Variants in SCIMP observed in about 807,000 individuals in gnomAD.
The protein encoded by SCIMP is SLP adapter and CSK-interacting membrane protein.
SCIMP carries 18 observed loss-of-function variants against 22.0 expected under a neutral mutation model. The ratio of observed to expected loss-of-function variants is 0.82; its 90% confidence interval spans 0.56 to 1.21. The LOEUF is 1.21. Ranked by LOEUF, SCIMP falls within the 50% of genes most tolerant of loss-of-function variation. The pLI, the probability that SCIMP is intolerant of heterozygous loss-of-function variation, is 0.00. For synonymous variants in SCIMP, 53 were observed against 62.2 expected (o/e 0.85, Z 0.70); for missense variants, 155 against 171.2 (o/e 0.91, Z 0.53).
At chr17:5,232,068 A>T (rs1335605306) in intron 1 of SCIMP, among the ~76,000 whole-genome samples, 1 of 152,046 alleles carries the variant, frequency 6.6e-6, no homozygotes, top group Non-Finnish European at 1.5e-5. Flanking sequence ...AAACAAAAAA[A>T]AAAAACTGGT....
At chr17:5,225,762 G>GAAAA (rs140142974) in intron 1 of SCIMP, among the ~76,000 whole-genome samples, 1 of 127,052 alleles carries the variant, frequency 7.9e-6, no homozygotes, top group Non-Finnish European at 1.7e-5. Context: ...GATTCCATCT[G>GAAAA]AAAAAAAAAA....
At chr17:5,228,573 G>T (rs1337376161) in intron 1 of SCIMP, among the ~76,000 whole-genome samples, 1 of 150,704 alleles carries the variant, frequency 6.6e-6, no homozygotes, top group Admixed American at 6.6e-5. Flanking sequence ...TGAGCCCAGG[G>T]ATTCGAGGCT....
intron 4 of SCIMP, among the ~76,000 whole-genome samples, chr17:5,212,648 C>CA (rs1282970394): frequency 4.0e-5 from 6 of 151,364 alleles, no homozygotes; most frequent in Non-Finnish European, 8.8e-5. Flanking sequence ...AACAAACAAA[C>CA]AAAAAAATGT....
chr17:5,232,373 GCAGTATAAACAGTGCAGTATAAA>G (rs1228552665), intron 1 of SCIMP, among the ~76,000 whole-genome samples: 1 of 148,336 alleles, frequency 6.7e-6, no homozygotes, highest in African/African-American at 2.5e-5. Context: ...TGTAAACAGT[GCAGTATAAACAGTGCAGTATAAA>G]CAGTATAAAC....
At chr17:5,225,662 T>C (rs1274354675) in intron 1 of SCIMP, among the ~76,000 whole-genome samples, 3 of 151,480 alleles carry the variant, frequency 2.0e-5, no homozygotes, top group African/African-American at 7.3e-5. Flanking sequence ...CTTGAGAGAC[T>C]GAGGCAAGAG....
intron 1 of SCIMP, among the ~76,000 whole-genome samples, chr17:5,228,227 C>T (rs777909486): frequency 3.3e-5 from 5 of 151,538 alleles, no homozygotes; most frequent in Non-Finnish European, 7.4e-5. Flanking sequence ...GCGCCTGTGG[C>T]CCCAGCTACA....
intron 3 of SCIMP, among the ~76,000 whole-genome samples, chr17:5,220,122 T>G (rs981880545): frequency 6.6e-6 from 1 of 152,188 alleles, no homozygotes; most frequent in African/African-American, 2.4e-5. Context: ...ATATTGGTCA[T>G]AAAGCCCCAA....
chr17:5,213,811 G>T (rs2074544616), intron 4 of SCIMP: 1 of 152,182 alleles, frequency 6.6e-6, no homozygotes, highest in East Asian at 1.9e-4. Context: ...TCATGCCACT[G>T]CACTCCAGCC....
At chr17:5,215,177 A>G in intron 3 of SCIMP, 179 bp from the exon 4 acceptor site, 1 of 546,590 alleles carries the variant, frequency 1.8e-6, no homozygotes, top group South Asian at 2.5e-5. Flanking sequence ...TTGGCACCCT[A>G]ATGAAACCGT....
At chr17:5,234,602 C>G (rs1476738990) in intron 1 of SCIMP, 133 bp downstream of exon 1, 4 of 891,598 alleles carry the variant, frequency 4.5e-6, no homozygotes, top group Non-Finnish European at 7.2e-6. Context: ...GCAGTCGTAC[C>G]AGGGCCCCAG....
chr17:5,231,594 G>A (rs1398478296), intron 1 of SCIMP, among the ~76,000 whole-genome samples: 3 of 152,014 alleles, frequency 2.0e-5, no homozygotes, highest in Middle Eastern at 3.2e-3. Flanking sequence ...TGCACAGATT[G>A]CCGATGTCCT....
intron 1 of SCIMP, among the ~76,000 whole-genome samples, chr17:5,232,635 G>A (rs777248525): frequency 1.7e-4 from 26 of 152,238 alleles, no homozygotes; most frequent in Non-Finnish European, 1.5e-4. Flanking sequence ...GGCATGAGCA[G>A]TTCTTGCCCC....
chr17:5,229,487 C>T (rs989305057), intron 1 of SCIMP, among the ~76,000 whole-genome samples: 3 of 149,408 alleles, frequency 2.0e-5, no homozygotes, highest in South Asian at 2.1e-4. Context: ...TCCATCTCCC[C>T]GGTTCAAGCA....
chr17:5,221,237 G>A, intron 3 of SCIMP, 50 bp downstream of exon 3: 1 of 1,341,670 alleles, frequency 7.5e-7, no homozygotes, highest in Non-Finnish European at 1.1e-6. Context: ...GGGTGGAAGG[G>A]AACAGGCAGT....
chr17:5,219,916 C>T (rs1436294709), intron 3 of SCIMP, among the ~76,000 whole-genome samples: 3 of 152,182 alleles, frequency 2.0e-5, no homozygotes, highest in Non-Finnish European at 4.4e-5. Context: ...GCTCTCTGTG[C>T]GACTTCACTG....
intron 1 of SCIMP, among the ~76,000 whole-genome samples, chr17:5,231,409 T>G (rs2074693058): frequency 6.6e-6 from 1 of 150,498 alleles, no homozygotes; most frequent in Non-Finnish European, 1.5e-5. Flanking sequence ...GAACTTGGGG[T>G]CAGCTCTTAT....
chr17:5,231,288 T>C (rs1388578147), intron 1 of SCIMP, among the ~76,000 whole-genome samples: 1 of 149,746 alleles, frequency 6.7e-6, no homozygotes, highest in Non-Finnish European at 1.5e-5. Flanking sequence ...ACCCAGGAGG[T>C]AGAGGTTGCA....
intron 1 of SCIMP, among the ~76,000 whole-genome samples, chr17:5,227,019 G>A (rs2074654435): frequency 6.6e-6 from 1 of 152,016 alleles, no homozygotes. Context: ...CTGCATGACC[G>A]AGTTCAGGCC....
intron 1 of SCIMP, among the ~76,000 whole-genome samples, chr17:5,229,384 CTTTTTTTTT>C (rs71151849): frequency 3.4e-5 from 2 of 59,284 alleles, no homozygotes; most frequent in African/African-American, 7.3e-5. Flanking sequence ...GTTTATTTAG[CTTTTTTTTT>C]TTTTTTTTTT....
Sources: allele counts gnomAD v4.1 joint callset (sites outside exome capture counted in the v4.1 genomes callset), GRCh38; gene constraint gnomAD v4.1.1; transcripts MANE v1.5; gene names NCBI Gene and HGNC (gene_info 2026-07-23, HGNC 2026-07-21).